Variants in BICD2 observed in about 807,000 individuals in gnomAD.
BICD2 encodes the protein BICD cargo adaptor 2.
Under a neutral mutation model 72.9 loss-of-function variants are expected in BICD2, and 25 were observed. The observed-to-expected ratio is 0.34, with a 90% CI of 0.25 to 0.48. BICD2 has a LOEUF of 0.48. Among genes scored for constraint, BICD2 ranks in the 20% least tolerant of loss-of-function variants. The pLI is 0.99. For synonymous variants in BICD2, 501 were observed against 516.1 expected, an observed-to-expected ratio of 0.97 and a Z score of 0.40; for missense variants, 894 against 1,175.2, an observed-to-expected ratio of 0.76 and a Z score of 3.50.
At chr9:92,723,246 C>A (rs1259029389) in intron 2 of BICD2, among the ~76,000 whole-genome samples, 1 of 152,300 alleles carries the variant, frequency 6.6e-6, no homozygotes, top group Non-Finnish European at 1.5e-5. Flanking sequence ...CATGCCCACA[C>A]AGAAACCGGT....
chr9:92,763,353 A>G (rs1431541117), intron 1 of BICD2, among the ~76,000 whole-genome samples: 1 of 152,198 alleles, frequency 6.6e-6, no homozygotes, highest in East Asian at 1.9e-4. Context: ...AGGGCTCACC[A>G]GGACACACTC....
In BICD2 at chr9:92,713,341, A is replaced by T. The variant is rs1247719556; in HGVS notation, c.*1813T>A. ...AAGAATTGCAGTGGCATATCCAAAA[A>T]GTTTCTAAGTGGGCTTTTAGGTTGC... is the stretch of plus-strand genomic sequence containing the variant. On this transcript the variant is annotated 3_prime_UTR_variant, in exon 7 of 7. Coordinates refer to ENST00000356884, the MANE Select transcript of BICD2 (RefSeq NM_001003800.2). 2.5e-6 allele frequency: 3 copies of T among 1,184,732 alleles called. No individual in the cohort carries two copies. The highest frequency in any genetic ancestry group is 3.6e-6 in the Non-Finnish European group (3 of 826,372). 73.4% of individuals were successfully genotyped at this position (1,184,732 alleles called of 1,614,324 possible). A position where few individuals can be genotyped will look rare whatever the true frequency, so the allele number is the denominator to read the frequency against.
chr9:92,725,245 T>A (rs1853544489), intron 2 of BICD2, among the ~76,000 whole-genome samples: 1 of 152,144 alleles, frequency 6.6e-6, no homozygotes, highest in Non-Finnish European at 1.5e-5. Flanking sequence ...AGGCAAGGTG[T>A]ACTAGGAGTT....
chr9:92,749,246 A>AT (rs1369981564), intron 1 of BICD2, among the ~76,000 whole-genome samples: 1 of 152,164 alleles, frequency 6.6e-6, no homozygotes, highest in Non-Finnish European at 1.5e-5. Flanking sequence ...CTGCCAGCCT[A>AT]TATCTATCAA....
chr9:92,746,092 TTTCCCTCCTGACACATG>T (rs1022584008), intron 1 of BICD2, among the ~76,000 whole-genome samples: 15 of 152,218 alleles, frequency 9.9e-5, no homozygotes, highest in Non-Finnish European at 4.4e-5. Context: ...ATGGAGATCA[TTTCCCTCCTGACACATG>T]GTCCCTCCCT....
At chr9:92,745,744 T>C (rs551967452) in intron 1 of BICD2, among the ~76,000 whole-genome samples, 22 of 152,316 alleles carry the variant, frequency 1.4e-4, no homozygotes, top group Non-Finnish European at 2.6e-4. Context: ...GGTGAGAAAC[T>C]GAACTCCGAG....
In BICD2 at chr9:92,714,286, C is replaced by T; in HGVS notation, c.*868G>A. 1.0e-6 allele frequency: 1 copy of T among 985,482 alleles called. No homozygotes were observed. The highest frequency in any genetic ancestry group is 1.2e-6 in the Non-Finnish European group (1 of 829,968). 61.0% of individuals were successfully genotyped at this position (985,482 alleles called of 1,614,324 possible). On this transcript the variant is annotated 3_prime_UTR_variant, in exon 7 of 7. Transcript: ENST00000356884. ...AAGCCCCATGTCTTTGGGACTGAAC[C>T]CCCTATGGAAGGCCGGATAATTGGC... is the stretch of plus-strand genomic sequence containing the variant.
rs1038432458 is a variant in BICD2 at position 92,712,354 on chromosome 9, G to C, written c.*2800C>G. On this transcript the variant is annotated 3_prime_UTR_variant, in exon 7 of 7. Transcript: ENST00000356884. ...ACCTGCCTCACCTGCTGTCCACGCT[G>C]GCCTTCAGCATGCCCACTAGCTCTT... The C allele has an allele frequency of 6.5e-6, 1 of 152,694 alleles. No individual in the cohort carries two copies. Among genetic ancestry groups the C allele is most frequent in the Non-Finnish European group, 1.5e-5 (1 of 68,078 alleles). 9.5% of individuals were successfully genotyped at this position (152,694 alleles called of 1,614,324 possible).
In BICD2 at chr9:92,718,970, C is replaced by G; in HGVS notation, c.1675G>C (p.Glu559Gln). ...GTGCGGCCGGCCCCGCCCTGGCCCT[C>G]GCGGTAGTAGTCCAGCATGACACGG... ...PNRVMLDYYR[E>Q]GQGGAGRTSP... The change falls in exon 5 of 7, where the codon GAG becomes CAG. Residue 559 changes from glutamate (E) to glutamine (Q), a missense_variant. Around this residue, in one of 5 missense-constraint regions of BICD2, gnomAD observed 321 missense variants for 443.9 expected, o/e 0.72. Transcript: ENST00000356884. 2 of 1,610,530 alleles carry G rather than the reference C, an allele frequency of 1.2e-6. No individual in the cohort carries two copies. Among genetic ancestry groups the G allele is most frequent in the Non-Finnish European group, 1.7e-6 (2 of 1,179,884 alleles).
intron 6 of BICD2, among the ~76,000 whole-genome samples, chr9:92,716,636 T>A (rs1161791766): frequency 6.6e-6 from 1 of 152,230 alleles, no homozygotes; most frequent in South Asian, 2.1e-4. Context: ...CTGTCCCCCA[T>A]GCAGGGCTGA....
chr9:92,713,595 G>A lies in BICD2; in HGVS notation c.*1559C>T, dbSNP rs1853237307. ...CAGAAGAGAAGACCTGCATGTGTTA[G>A]CAGGGGTCCCAGTGGCTTGGGTGTC... On this transcript the variant is annotated 3_prime_UTR_variant, in exon 7 of 7. Coordinates refer to ENST00000356884, the MANE Select transcript of BICD2 (RefSeq NM_001003800.2). The A allele has an allele frequency of 6.5e-7, 1 of 1,532,624 alleles. No homozygotes were observed. 94.9% of individuals were successfully genotyped at this position (1,532,624 alleles called of 1,614,324 possible).
At chr9:92,723,352 C>G (rs571002577) in intron 2 of BICD2, among the ~76,000 whole-genome samples, 2 of 152,336 alleles carry the variant, frequency 1.3e-5, no homozygotes, top group East Asian at 3.9e-4. Flanking sequence ...AATGTGGTCT[C>G]TCCACACAAT....
chr9:92,740,416 A>G (rs1244447148), intron 1 of BICD2, among the ~76,000 whole-genome samples: 1 of 152,152 alleles, frequency 6.6e-6, no homozygotes, highest in Admixed American at 6.5e-5. Flanking sequence ...TCTCTTAAAT[A>G]TATCTGTATT....
At chr9:92,721,108 C>T (rs1853456232) in intron 3 of BICD2, among the ~76,000 whole-genome samples, 1 of 152,226 alleles carries the variant, frequency 6.6e-6, no homozygotes, top group Non-Finnish European at 1.5e-5. Context: ...GAACAACACA[C>T]ATCCATCCAT....
At chr9:92,744,402 CT>C (rs1287953006) in intron 1 of BICD2, among the ~76,000 whole-genome samples, 4 of 152,190 alleles carry the variant, frequency 2.6e-5, no homozygotes, top group African/African-American at 9.7e-5. Flanking sequence ...GGGAAGCTGA[CT>C]ACATGCAACT....
intron 1 of BICD2, among the ~76,000 whole-genome samples, chr9:92,735,775 C>T (rs924650349): frequency 5.9e-5 from 9 of 152,264 alleles, no homozygotes; most frequent in African/African-American, 9.6e-5. Context: ...CTGCTGTTCA[C>T]GGGCACACAG....
At position 92,713,977 on chromosome 9, in the gene BICD2, G is replaced by A. The variant is rs760113075; in HGVS notation, c.*1177C>T. Reference sequence around the variant, plus strand: ...GTCCAGCTGGTCCCACAGGGTGATCGGGAAAAAAGTACTGAGAAAAGTTCT... The same window carrying A: ...GTCCAGCTGGTCCCACAGGGTGATCAGGAAAAAAGTACTGAGAAAAGTTCT... On this transcript the variant is annotated 3_prime_UTR_variant, in exon 7 of 7. Transcript: ENST00000356884. The A allele has an allele frequency of 1.2e-4, 120 of 987,586 alleles. No homozygotes were observed. The Admixed American group carries it at 1.6e-3, about 13-fold the overall frequency. The allele number at this position is 987,586 out of a possible 1,614,324, so 61.2% of individuals were successfully genotyped here.
intron 1 of BICD2, among the ~76,000 whole-genome samples, chr9:92,735,220 T>C (rs538528181): frequency 3.3e-5 from 5 of 152,286 alleles, no homozygotes; most frequent in South Asian, 2.1e-4. Context: ...GTCTTCAGGT[T>C]TGTCCACACC....
chr9:92,756,906 A>G (rs943646147), intron 1 of BICD2, among the ~76,000 whole-genome samples: 2 of 151,638 alleles, frequency 1.3e-5, no homozygotes, highest in African/African-American at 4.8e-5. Flanking sequence ...GACAAGAGTA[A>G]GGTGTCTGGC....
Sources: allele counts gnomAD v4.1 joint callset (sites outside exome capture counted in the v4.1 genomes callset), GRCh38; gene constraint gnomAD v4.1.1; regional missense constraint gnomAD v4.1.1; transcripts MANE v1.5; gene names NCBI Gene and HGNC (gene_info 2026-07-23, HGNC 2026-07-21).